UGT2A2: variants seen among roughly 807,000 people sequenced by gnomAD.
The protein encoded by UGT2A2 is UDP glucuronosyltransferase family 2 member A2.
UGT2A2 carries 60 observed loss-of-function variants against 50.7 expected under a neutral mutation model. The observed-to-expected ratio is 1.18, with a 90% CI of 0.96 to 1.47. UGT2A2 has a LOEUF of 1.47. Among genes scored for constraint, UGT2A2 ranks in the 40% most tolerant of loss-of-function variants. The pLI is 0.00. For synonymous variants in UGT2A2, 242 were observed against 214.6 expected (o/e 1.13, Z -1.11); for missense variants, 762 against 634.0 (o/e 1.20, Z -2.17).
intron 1 of UGT2A2, among the ~76,000 whole-genome samples, chr4:69,616,833 CTTT>C (rs4148315): frequency 2.3e-3 from 295 of 127,258 alleles, no homozygotes; most frequent in African/African-American, 7.2e-3. Context: ...ATTTTCTTTT[CTTT>C]TTTTTTTTTT....
chr4:69,588,439 T>G lies in UGT2A2; in HGVS notation c.*933A>C, dbSNP rs1437004353. On this transcript the variant is annotated 3_prime_UTR_variant, in exon 6 of 6. Transcript: ENST00000604629. The stretch of plus-strand genomic sequence containing the variant: ...ATATCAAATTCCAAGTAAGCATTTT[T>G]TATTTTTTGGCATAAAATTAAACTT... 1 of 152,144 alleles carries G rather than the reference T, an allele frequency of 6.6e-6. No individual in the cohort carries two copies. Among genetic ancestry groups the G allele is most frequent in the Non-Finnish European group, 1.5e-5 (1 of 67,996 alleles). The allele number at this position is 152,144 out of a possible 1,614,324, so 9.4% of individuals were successfully genotyped here.
At chr4:69,615,707 G>A (rs1352169514) in intron 1 of UGT2A2, among the ~76,000 whole-genome samples, 2 of 151,650 alleles carry the variant, frequency 1.3e-5, no homozygotes, top group East Asian at 1.9e-4. Flanking sequence ...CCCTGACCCC[G>A]CCGCAAAAAC....
intron 1 of UGT2A2, among the ~76,000 whole-genome samples, chr4:69,636,825 G>A (rs1721737180): frequency 6.6e-6 from 1 of 152,004 alleles, no homozygotes; most frequent in African/African-American, 2.4e-5. Context: ...TCCTCCTAAC[G>A]AATATAGTGA....
chr4:69,590,709 C>A (rs1383909722), intron 5 of UGT2A2, among the ~76,000 whole-genome samples: 1 of 151,878 alleles, frequency 6.6e-6, no homozygotes, highest in Non-Finnish European at 1.5e-5. Context: ...AGTAATTTCA[C>A]ATGGATCATC....
At chr4:69,607,218 G>GCATGGTACTGGTACCAAAACAC (rs1553904403) in intron 1 of UGT2A2, among the ~76,000 whole-genome samples, 1 of 150,076 alleles carries the variant, frequency 6.7e-6, no homozygotes, top group Non-Finnish European at 1.5e-5. Context: ...TACCAAAACA[G>GCATGGTACTGGTACCAAAACAC]AGATAAAGAC....
chr4:69,625,185 T>G (rs115472180), intron 1 of UGT2A2, among the ~76,000 whole-genome samples: 2,477 of 151,154 alleles, frequency 0.016, 74 homozygotes, highest in African/African-American at 0.057. Flanking sequence ...CTTTGCTAGA[T>G]GAAGTATTTT....
intron 1 of UGT2A2, among the ~76,000 whole-genome samples, chr4:69,611,441 G>T (rs898623376): frequency 6.6e-6 from 1 of 150,902 alleles, no homozygotes; most frequent in Non-Finnish European, 1.5e-5. Context: ...ACCCAGAAAT[G>T]ATAAGAAAAA....
intron 1 of UGT2A2, among the ~76,000 whole-genome samples, chr4:69,617,098 TAA>T (rs1178129802): frequency 5.3e-5 from 8 of 152,064 alleles, no homozygotes; most frequent in African/African-American, 1.9e-4. Flanking sequence ...ATCTGTAAAA[TAA>T]AGTTAGAATT....
In UGT2A2 at chr4:69,594,501, A is replaced by ATT. The variant is rs763051792; in HGVS notation, c.1306_1307insAA (p.Leu436Ter). 6.8e-6 allele frequency: 11 copies of ATT among 1,614,072 alleles called. No homozygotes were observed. Among genetic ancestry groups the ATT allele is most frequent in the Admixed American group, 1.7e-5 (1 of 59,996 alleles). The stretch of plus-strand genomic sequence containing the variant: ...CGAAGGTTCATTAATGACTGTTCTC[A>ATT]AAGCGCTAAGCAAATCCACACTTGT... ...TMTSVDLLSA[L>*]RTVINEPSYK... is the part of the protein sequence containing the mutation. The change falls in exon 5 of 6, where the codon TTG becomes TAATG. Residue 436 changes from leucine (L) to a stop codon, truncating the protein, a stop_gained and frameshift_variant. Coordinates refer to ENST00000604629, the MANE Select transcript of UGT2A2 (RefSeq NM_001105677.2). LOFTEE classifies it high-confidence loss of function.
At chr4:69,591,664 C>A (rs956978308) in intron 5 of UGT2A2, among the ~76,000 whole-genome samples, 2 of 152,070 alleles carry the variant, frequency 1.3e-5, no homozygotes, top group Admixed American at 1.3e-4. Flanking sequence ...CTTCCTCTGG[C>A]TGAGGAGGAA....
At chr4:69,590,500 C>A (rs369366721) in intron 5 of UGT2A2, among the ~76,000 whole-genome samples, 1 of 151,870 alleles carries the variant, frequency 6.6e-6, no homozygotes, top group Non-Finnish European at 1.5e-5. Flanking sequence ...TGAAGATGAG[C>A]GAAGGTAAAT....
chr4:69,614,280 C>T (rs1255805659), intron 1 of UGT2A2, among the ~76,000 whole-genome samples: 2 of 151,804 alleles, frequency 1.3e-5, no homozygotes, highest in African/African-American at 4.8e-5. Context: ...AGAAATATAT[C>T]TACAATGAAA....
At chr4:69,597,065 G>T (rs1182100106) in intron 2 of UGT2A2, among the ~76,000 whole-genome samples, 1 of 152,054 alleles carries the variant, frequency 6.6e-6, no homozygotes, top group Non-Finnish European at 1.5e-5. Context: ...ACTGAGCTAG[G>T]CTTTTAAAAT....
At chr4:69,603,495 T>TA (rs1380825890) in intron 1 of UGT2A2, 1 of 136,072 alleles carries the variant, frequency 7.3e-6, no homozygotes, top group Non-Finnish European at 1.6e-5. Flanking sequence ...CTGGAAACTC[T>TA]AAAAATCAGA....
chr4:69,607,896 C>A (rs1285237884), intron 1 of UGT2A2, among the ~76,000 whole-genome samples: 1 of 152,004 alleles, frequency 6.6e-6, no homozygotes, highest in Non-Finnish European at 1.5e-5. Flanking sequence ...GTTAGAATGG[C>A]GATCATTAAA....
intron 1 of UGT2A2, among the ~76,000 whole-genome samples, chr4:69,630,472 CTT>C (rs1179484412): frequency 6.6e-6 from 1 of 152,092 alleles, no homozygotes; most frequent in Non-Finnish European, 1.5e-5. Context: ...ATTCCCTCTC[CTT>C]TTAACCACCT....
In UGT2A2 at chr4:69,594,584, A is replaced by G; in HGVS notation, c.1224T>C (p.Asp408=). 6.2e-7 allele frequency: 1 copy of G among 1,614,160 alleles called. No individual in the cohort carries two copies. Among genetic ancestry groups the G allele is most frequent in the East Asian group, 2.2e-5 (1 of 44,870 alleles). Residue 408 remains aspartate (D), a synonymous_variant, in exon 5 of 6, where the codon GAT becomes GAC. Transcript: ENST00000604629. ...VGVPMFADQP[D]NIAHMKAKGA... ...CTTTGGCCTTCATGTGAGCAATGTT[A>G]TCAGGCTGATCAGCAAACATGGGAA...
chr4:69,624,275 T>C (rs1286209496), intron 1 of UGT2A2, among the ~76,000 whole-genome samples: 1 of 151,570 alleles, frequency 6.6e-6, no homozygotes, highest in African/African-American at 2.4e-5. Flanking sequence ...CTAATTTATC[T>C]AATATTAATG....
chr4:69,627,512 A>AATATTTCTTATTTG (rs1721135574), intron 1 of UGT2A2, among the ~76,000 whole-genome samples: 1 of 148,986 alleles, frequency 6.7e-6, no homozygotes, highest in Non-Finnish European at 1.5e-5. Flanking sequence ...AGGAAGGAAA[A>AATATTTCTTATTTG]GAAAGAAAGA....
Sources: gnomAD v4.1 joint callset for allele counts (sites outside exome capture counted in the v4.1 genomes callset) on GRCh38, gnomAD v4.1.1 for gene constraint, MANE v1.5 for transcripts, NCBI Gene and HGNC (gene_info 2026-07-23, HGNC 2026-07-21) for gene names.